Variants in PSMC2 observed in about 807,000 individuals in gnomAD.
PSMC2 encodes 26S proteasome regulatory subunit 7.
PSMC2 carries 7 observed loss-of-function variants against 53.3 expected under a neutral mutation model. That is an observed-to-expected ratio of 0.13 (90% CI 0.07 to 0.25). The LOEUF is 0.25. PSMC2 is among the 10% of genes least tolerant of loss of function. PSMC2 has a pLI of 1.00. For missense variants in PSMC2, 241 were observed against 544.0 expected, an observed-to-expected ratio of 0.44 and a Z score of 5.54; for synonymous variants, 169 against 183.9, an observed-to-expected ratio of 0.92 and a Z score of 0.66.
chr7:103,350,408 A>G (rs1819701452), intron 1 of PSMC2, among the ~76,000 whole-genome samples: 8 of 152,210 alleles, frequency 5.3e-5, no homozygotes, highest in Admixed American at 4.6e-4. Flanking sequence ...ATCAATATGT[A>G]TCTCTAATCA....
chr7:103,349,939 A>AATCC (rs1413887894), intron 1 of PSMC2, among the ~76,000 whole-genome samples: 9 of 152,176 alleles, frequency 5.9e-5, no homozygotes, highest in African/African-American at 2.2e-4. Flanking sequence ...GACGATTGAG[A>AATCC]ATCCACTTAA....
chr7:103,368,317 G>C lies in PSMC2; in HGVS notation c.*263G>C. On this transcript the variant is annotated 3_prime_UTR_variant, in exon 12 of 12. Transcript: ENST00000292644. ...CTTGCTTAGATGGCTTCTATCCTAGGCATATGCTGGCCGGGTGCTCTACAT... is the reference window on the plus strand; with the variant it reads ...CTTGCTTAGATGGCTTCTATCCTAGCCATATGCTGGCCGGGTGCTCTACAT... 3.4e-6 allele frequency: 1 copy of C among 295,878 alleles called. No individual in the cohort carries two copies. Among genetic ancestry groups the C allele is most frequent in the Non-Finnish European group, 6.2e-6 (1 of 161,430 alleles). 18.3% of individuals were successfully genotyped at this position (295,878 alleles called of 1,614,324 possible).
chr7:103,353,086 T>C (rs1042081221), intron 1 of PSMC2, among the ~76,000 whole-genome samples: 4 of 152,184 alleles, frequency 2.6e-5, no homozygotes, highest in Non-Finnish European at 5.9e-5. Flanking sequence ...AATTTGTGAA[T>C]AGAAAAGATT....
chr7:103,364,891 C>T (rs1253646015), intron 8 of PSMC2, among the ~76,000 whole-genome samples: 2 of 149,120 alleles, frequency 1.3e-5, no homozygotes, highest in African/African-American at 4.9e-5. Context: ...ACTTTTACTT[C>T]AGGGGCAGTG....
chr7:103,363,992 T>C (rs956243814), intron 7 of PSMC2, 151 bp from the exon 8 acceptor site: 18 of 682,948 alleles, frequency 2.6e-5, no homozygotes, highest in African/African-American at 3.6e-5. Context: ...AGTTCAAGTA[T>C]GTATATTGTG....
At chr7:103,362,259 C>G in intron 5 of PSMC2, 171 bp downstream of exon 5, 3 of 1,420,512 alleles carry the variant, frequency 2.1e-6, no homozygotes, top group Non-Finnish European at 2.7e-6. Flanking sequence ...TTCCTAACTT[C>G]CCATCGGCTT....
rs528764101 is a variant in PSMC2 at position 103,359,203 on chromosome 7, G to T, written c.291-2754G>T. Among the ~76,000 whole-genome samples the T allele has an allele frequency of 6.0e-5, 7 of 116,794 alleles. No homozygotes were observed. The Admixed American group carries it at 6.2e-4, about 10-fold the overall frequency. The allele number at this position is 116,794 out of a possible 152,430, so 76.6% of individuals were successfully genotyped here. A position where few individuals can be genotyped will look rare whatever the true frequency, so the allele number is the denominator to read the frequency against. ...AGTAGAGACAGGGTCTTGCCATGTT[G>T]CCTGGGCTGCTCTTGAACTCCTAGG... On this transcript the variant is annotated intron_variant, in intron 4 of 11. Transcript: ENST00000292644.
intron 4 of PSMC2, 74 bp downstream of exon 4, chr7:103,355,867 A>G: frequency 1.0e-6 from 1 of 969,632 alleles, no homozygotes; most frequent in Non-Finnish European, 1.5e-6. Flanking sequence ...TCTCAGGGAT[A>G]ATGCAATAGT....
intron 4 of PSMC2, among the ~76,000 whole-genome samples, chr7:103,356,812 G>T (rs1820059725): frequency 6.6e-6 from 1 of 151,662 alleles, no homozygotes. Context: ...ATACCTTTTG[G>T]GTGTTAATGT....
At chr7:103,350,387 A>G (rs1819700833) in intron 1 of PSMC2, among the ~76,000 whole-genome samples, 1 of 152,250 alleles carries the variant, frequency 6.6e-6, no homozygotes, top group Admixed American at 6.5e-5. Flanking sequence ...GTTTATATAG[A>G]ATTAGATAAT....
rs1188853216 is a variant in PSMC2, at chr7:103,367,340, G to A, written c.845-73G>A. 4.9e-6 allele frequency: 7 copies of A among 1,417,232 alleles called. No homozygotes were observed. The highest frequency in any genetic ancestry group is 6.9e-6 in the Non-Finnish European group (7 of 1,010,896). 87.8% of individuals were successfully genotyped at this position (1,417,232 alleles called of 1,614,324 possible). A position where few individuals can be genotyped will look rare whatever the true frequency, so the allele number is the denominator to read the frequency against. On this transcript the variant is annotated intron_variant, in intron 9 of 11. Coordinates refer to ENST00000292644, the MANE Select transcript of PSMC2 (RefSeq NM_002803.4). The surrounding 1 kb of genome is among the most constrained non-coding windows in gnomAD (Gnocchi z 6.1). ...GGACATGATTTGAGCTGAGATTTTTGGTACTTTCAGGTCATGCATAGTGCT... is the reference window on the plus strand; with the variant it reads ...GGACATGATTTGAGCTGAGATTTTTAGTACTTTCAGGTCATGCATAGTGCT...
chr7:103,364,283 G>A lies in PSMC2; in HGVS notation c.732G>A (p.Glu244=). Reference sequence around the variant, plus strand: ...GCTTCATTCGAGTTATTGGATCTGAGCTTGTACAGAAATACGTCGGTGAGG... The same window carrying A: ...GCTTCATTCGAGTTATTGGATCTGAACTTGTACAGAAATACGTCGGTGAGG... ...DACFIRVIGS[E]LVQKYVGEGA... The change falls in exon 8 of 12, where the codon GAG becomes GAA. Residue 244 remains glutamate, a synonymous_variant. Coordinates refer to ENST00000292644, the MANE Select transcript of PSMC2 (RefSeq NM_002803.4). 6.2e-7 allele frequency: 1 copy of A among 1,614,190 alleles called. No individual in the cohort carries two copies. The highest frequency in any genetic ancestry group is 8.5e-7 in the Non-Finnish European group (1 of 1,180,038).
chr7:103,353,928 T>C lies in PSMC2; in HGVS notation c.78T>C (p.Asp26=). 6.2e-7 allele frequency: 1 copy of C among 1,604,022 alleles called. No homozygotes were observed. The highest frequency in any genetic ancestry group is 8.5e-7 in the Non-Finnish European group (1 of 1,173,578). The change falls in exon 2 of 12, where the codon GAT becomes GAC. Residue 26 remains aspartate, a synonymous_variant. Coordinates refer to ENST00000292644, the MANE Select transcript of PSMC2 (RefSeq NM_002803.4). Reference sequence around the variant, plus strand: ...TTGTCTCTCTTCTTTCAGCTCTGGATGAGGGGGATATTGCCTTGTTGAAAA... The same window carrying C: ...TTGTCTCTCTTCTTTCAGCTCTGGACGAGGGGGATATTGCCTTGTTGAAAA... ...EKDDKPIRAL[D]EGDIALLKTY...
At chr7:103,359,172 A>ATTTTTTTTTTTTTTTTTTTTTTTTT (rs1586155184) in intron 4 of PSMC2, among the ~76,000 whole-genome samples, 3 of 58,386 alleles carry the variant, frequency 5.1e-5, no homozygotes, top group African/African-American at 6.7e-5. Context: ...TTTTTTTTTA[A>ATTTTTTTTTTTTTTTTTTTTTTTTT]TTTTTAGTAG....
At chr7:103,351,757 T>G (rs1382584152) in intron 1 of PSMC2, among the ~76,000 whole-genome samples, 1 of 152,132 alleles carries the variant, frequency 6.6e-6, no homozygotes, top group Non-Finnish European at 1.5e-5. Context: ...ACTTCGTATC[T>G]CCCTCTGCTA....
chr7:103,356,263 T>C (rs1820027316), intron 4 of PSMC2, among the ~76,000 whole-genome samples: 2 of 152,176 alleles, frequency 1.3e-5, no homozygotes, highest in South Asian at 4.1e-4. Flanking sequence ...AATTGCATAA[T>C]GTGTAGATGT....
upstream of PSMC2, chr7:103,347,568 T>C: frequency 1.2e-6 from 1 of 865,902 alleles, no homozygotes; most frequent in East Asian, 2.6e-5. Flanking sequence ...TCCCCAGGGC[T>C]CTGTCCGGAC....
chr7:103,367,396 T>C lies in PSMC2; in HGVS notation c.845-17T>C. 2 of 1,612,490 alleles carry C rather than the reference T, an allele frequency of 1.2e-6. No homozygotes were observed. The highest frequency in any genetic ancestry group is 1.7e-6 in the Non-Finnish European group (2 of 1,179,554). ...TGAGTGGACTTGAAGAGCTTATCTT[T>C]CCTTTTGTCTTCTCAGGGGCTCGTT... On this transcript the variant is annotated splice_polypyrimidine_tract_variant and intron_variant, in intron 9 of 11. Coordinates refer to ENST00000292644, the MANE Select transcript of PSMC2 (RefSeq NM_002803.4). The surrounding 1 kb of genome is among the most constrained non-coding windows in gnomAD (Gnocchi z 6.1).
At chr7:103,352,006 C>T (rs774397895) in intron 1 of PSMC2, among the ~76,000 whole-genome samples, 1 of 151,832 alleles carries the variant, frequency 6.6e-6, no homozygotes, top group Non-Finnish European at 1.5e-5. Context: ...TCTCAGCGAG[C>T]TAATTCTTCC....
Sources: allele counts gnomAD v4.1 joint callset (sites outside exome capture counted in the v4.1 genomes callset), GRCh38; gene constraint gnomAD v4.1.1; non-coding constraint Gnocchi (gnomAD v3.1); transcripts MANE v1.5; gene names NCBI Gene and HGNC (gene_info 2026-07-23, HGNC 2026-07-21).